Variants in CORO1C observed in about 807,000 individuals in gnomAD.
CORO1C encodes coronin-1C.
A neutral mutation model predicts 51.2 loss-of-function variants in CORO1C; 14 were observed. The ratio of observed to expected loss-of-function variants is 0.27; its 90% CI spans 0.18 to 0.43. The LOEUF is 0.43. CORO1C is among the 20% of genes least tolerant of loss of function. The pLI is 1.00. For synonymous variants in CORO1C, 181 were observed against 210.5 expected, an observed-to-expected ratio of 0.86 and a Z score of 1.21; for missense variants, 417 against 607.8, an observed-to-expected ratio of 0.69 and a Z score of 3.30.
chr12:108,721,682 C>T (rs1196730934), intron 1 of CORO1C, among the ~76,000 whole-genome samples: 1 of 152,000 alleles, frequency 6.6e-6, no homozygotes, highest in African/African-American at 2.4e-5. Context: ...TTCACAGAGG[C>T]ACTAACAGAA....
chr12:108,726,830 A>G (rs2035604967), intron 1 of CORO1C, among the ~76,000 whole-genome samples: 1 of 152,138 alleles, frequency 6.6e-6, no homozygotes, highest in Non-Finnish European at 1.5e-5. Flanking sequence ...CCTACTGAGG[A>G]GACTGTGCGC....
At chr12:108,726,772 G>A (rs1244103832) in intron 1 of CORO1C, among the ~76,000 whole-genome samples, 1 of 152,088 alleles carries the variant, frequency 6.6e-6, no homozygotes. Flanking sequence ...TATCAGGGTC[G>A]GCCTGTATGC....
chr12:108,704,407 G>A (rs1032251547), intron 1 of CORO1C, among the ~76,000 whole-genome samples: 4 of 151,960 alleles, frequency 2.6e-5, no homozygotes, highest in African/African-American at 9.7e-5. Flanking sequence ...GGTAGGCGGA[G>A]GCTTCAGTGA....
At chr12:108,659,048 G>C in intron 4 of CORO1C, 129 bp from the exon 5 acceptor site, 8 of 937,780 alleles carry the variant, frequency 8.5e-6, no homozygotes, top group South Asian at 3.1e-5. Context: ...GAGAGAGAGA[G>C]AAAAGATGCG....
At chr12:108,723,896 G>A (rs2035530242) in intron 1 of CORO1C, among the ~76,000 whole-genome samples, 1 of 152,192 alleles carries the variant, frequency 6.6e-6, no homozygotes, top group South Asian at 2.1e-4. Context: ...ATAATAATCG[G>A]TCTTCCAAAT....
intron 5 of CORO1C, 126 bp from the exon 6 acceptor site, chr12:108,657,549 A>G (rs2033081335): frequency 5.4e-6 from 5 of 921,612 alleles, no homozygotes; most frequent in Non-Finnish European, 8.2e-6. Context: ...GAGGGAGGTC[A>G]GTGTTAACCA....
At position 108,648,761 on chromosome 12, in the gene CORO1C, T is replaced by C. The variant is rs2032500356; in HGVS notation, c.1149A>G (p.Ala383=). The C allele has an allele frequency of 1.2e-6, 2 of 1,614,242 alleles. No homozygotes were observed. The highest frequency in any genetic ancestry group is 1.7e-6 in the Non-Finnish European group (2 of 1,180,048). Residue 383 remains alanine, a synonymous_variant, in exon 10 of 11, where the codon GCA becomes GCG. Transcript: ENST00000261401. The part of the protein sequence containing the change: ...EAEEWFEGKN[A]DPILISLKHG... ...GCTTCAAGGAGATGAGGATTGGGTC[T>C]GCATTCTTGCCTTCGAACCACTCTT...
intron 1 of CORO1C, among the ~76,000 whole-genome samples, chr12:108,722,068 A>C (rs17040915): frequency 0.057 from 8,694 of 152,288 alleles, 515 homozygotes; most frequent in East Asian, 0.32. Flanking sequence ...GCCTGACTTC[A>C]CATGCCTCTG....
At chr12:108,676,457 G>T (rs549226467) in intron 3 of CORO1C, among the ~76,000 whole-genome samples, 13 of 152,232 alleles carry the variant, frequency 8.5e-5, no homozygotes, top group African/African-American at 2.9e-4. Flanking sequence ...TTCAAAAGAG[G>T]TTCAGACTCT....
intron 2 of CORO1C, among the ~76,000 whole-genome samples, chr12:108,700,438 C>T (rs2034830640): frequency 6.6e-6 from 1 of 152,122 alleles, no homozygotes; most frequent in Non-Finnish European, 1.5e-5. Context: ...ATCTAATCTC[C>T]CACCTTGGAG....
At chr12:108,675,997 C>A (rs970136320) in intron 3 of CORO1C, among the ~76,000 whole-genome samples, 1 of 151,806 alleles carries the variant, frequency 6.6e-6, no homozygotes, top group Non-Finnish European at 1.5e-5. Flanking sequence ...TCAGGGCTTC[C>A]GAATAGATAA....
intron 3 of CORO1C, among the ~76,000 whole-genome samples, chr12:108,669,912 T>C (rs1222524713): frequency 6.6e-6 from 1 of 152,178 alleles, no homozygotes; most frequent in African/African-American, 2.4e-5. Flanking sequence ...TAAAGGGTGA[T>C]TTAAATATCA....
chr12:108,703,505 T>C (rs1291916721), intron 1 of CORO1C, among the ~76,000 whole-genome samples: 2 of 152,214 alleles, frequency 1.3e-5, no homozygotes, highest in Non-Finnish European at 2.9e-5. Flanking sequence ...AAAGCTGTCA[T>C]GCACGTGTAA....
chr12:108,702,578 G>C (rs2034906595), intron 1 of CORO1C, among the ~76,000 whole-genome samples: 1 of 152,128 alleles, frequency 6.6e-6, no homozygotes, highest in Non-Finnish European at 1.5e-5. Context: ...AAGGAGCCTG[G>C]ATAAAAATCT....
chr12:108,678,211 C>T (rs879049609), intron 3 of CORO1C, 61 bp downstream of exon 3: 2 of 1,535,124 alleles, frequency 1.3e-6, no homozygotes, highest in African/African-American at 2.8e-5. Flanking sequence ...CACACACATG[C>T]TTTTGAAAGC....
rs754176044 is a variant in CORO1C at position 108,662,049 on chromosome 12, C to A, written c.428G>T (p.Arg143Leu). ...CCCACCTGCACTAAGAAGCACATTG[C>A]GGGCCGTTGGATGCCAAGCCACGAT... ...VGIVAWHPTA[R>L]NVLLSAGCDN... The change falls in exon 4 of 11, where the codon CGC becomes CTC. Residue 143 changes from arginine (R) to leucine (L), a missense_variant. By Grantham distance (102) the Arg-to-Leu change is moderately radical. Coordinates refer to ENST00000261401, the MANE Select transcript of CORO1C (RefSeq NM_014325.4). The A allele has an allele frequency of 6.2e-7, 1 of 1,614,000 alleles. No individual in the cohort carries two copies. The highest frequency in any genetic ancestry group is 8.5e-7 in the Non-Finnish European group (1 of 1,180,006).
At chr12:108,671,117 G>A (rs2033700613) in intron 3 of CORO1C, among the ~76,000 whole-genome samples, 3 of 152,140 alleles carry the variant, frequency 2.0e-5, no homozygotes, top group Admixed American at 2.0e-4. Context: ...AGGAATGCTT[G>A]AGGCCACAAG....
At chr12:108,671,276 G>A (rs1358249548) in intron 3 of CORO1C, among the ~76,000 whole-genome samples, 1 of 151,940 alleles carries the variant, frequency 6.6e-6, no homozygotes, top group Non-Finnish European at 1.5e-5. Flanking sequence ...GTCAAGGCAT[G>A]ATCGTGCCAC....
At chr12:108,724,241 C>G (rs2035537295) in intron 1 of CORO1C, among the ~76,000 whole-genome samples, 1 of 152,116 alleles carries the variant, frequency 6.6e-6, no homozygotes, top group Non-Finnish European at 1.5e-5. Context: ...GCAGATCTGG[C>G]AAAAGAGCAT....
Sources: gnomAD v4.1 joint callset for allele counts (sites outside exome capture counted in the v4.1 genomes callset) on GRCh38, gnomAD v4.1.1 for gene constraint, MANE v1.5 for transcripts, NCBI Gene and HGNC (gene_info 2026-07-23, HGNC 2026-07-21) for gene names.